The following SIPA1L1 variants were observed in gnomAD, a reference collection of about 807,000 sequenced individuals.
The protein encoded by SIPA1L1 is signal-induced proliferation-associated 1-like protein 1.
Under a neutral mutation model 162.7 loss-of-function variants are expected in SIPA1L1, and 26 were observed. The ratio of observed to expected loss-of-function variants is 0.16; its 90% CI spans 0.12 to 0.22. The LOEUF is 0.22. Ranked by LOEUF, SIPA1L1 falls within the 10% of genes least tolerant of loss-of-function variation. The probability of loss-of-function intolerance (pLI) is 1.00; values close to 1 mark genes in which losing one functional copy is unlikely to be tolerated. For missense variants in SIPA1L1, 1,874 were observed against 2,241.0 expected (o/e 0.84, Z 3.31); for synonymous variants, 829 against 837.4 (o/e 0.99, Z 0.17).
At chr14:71,719,229 G>A (rs1251307698) in intron 17 of SIPA1L1, among the ~76,000 whole-genome samples, 1 of 152,068 alleles carries the variant, frequency 6.6e-6, no homozygotes, top group Non-Finnish European at 1.5e-5. Context: ...GTGAGCCACT[G>A]CACCCAGCCA....
chr14:71,489,611 T>A (rs2049065294), intron 2 of SIPA1L1, among the ~76,000 whole-genome samples: 1 of 151,796 alleles, frequency 6.6e-6, no homozygotes, highest in South Asian at 2.1e-4. Flanking sequence ...GGATGTCCAA[T>A]CTTTTGGCTT....
intron 7 of SIPA1L1, among the ~76,000 whole-genome samples, chr14:71,647,694 C>A (rs1218023198): frequency 6.6e-6 from 1 of 152,130 alleles, no homozygotes; most frequent in African/African-American, 2.4e-5. Context: ...GTATTAAGGA[C>A]TTCTTTTGTA....
chr14:71,605,298 G>T (rs2037357112), intron 5 of SIPA1L1, among the ~76,000 whole-genome samples: 1 of 151,778 alleles, frequency 6.6e-6, no homozygotes, highest in Non-Finnish European at 1.5e-5. Context: ...TATTTGTGTT[G>T]TTTTTCAGTA....
intron 2 of SIPA1L1, chr14:71,330,621 T>A (rs912310629): frequency 5.3e-6 from 5 of 950,570 alleles, no homozygotes; most frequent in Non-Finnish European, 8.7e-6. Flanking sequence ...GTGTGATGGT[T>A]TGGGGCGGAA....
chr14:71,734,126 A>T (rs930538946), intron 21 of SIPA1L1, among the ~76,000 whole-genome samples: 1 of 152,240 alleles, frequency 6.6e-6, no homozygotes, highest in Admixed American at 6.5e-5. Context: ...TCCAGAGAGG[A>T]TCTTTCATCA....
chr14:71,675,830 G>A (rs972130072), intron 12 of SIPA1L1, among the ~76,000 whole-genome samples: 4 of 152,178 alleles, frequency 2.6e-5, no homozygotes, highest in Non-Finnish European at 5.9e-5. Context: ...GCAAGGGGGT[G>A]CGGGAGGTGA....
At chr14:71,625,120 G>A (rs375298907) in intron 7 of SIPA1L1, among the ~76,000 whole-genome samples, 14 of 151,764 alleles carry the variant, frequency 9.2e-5, no homozygotes, top group African/African-American at 3.1e-4. Flanking sequence ...TTCACAGAAG[G>A]GTCCAGCTAT....
chr14:71,726,619 T>C (rs1325630786), intron 19 of SIPA1L1, among the ~76,000 whole-genome samples: 1 of 152,146 alleles, frequency 6.6e-6, no homozygotes, highest in Non-Finnish European at 1.5e-5. Context: ...GAAACAGGAG[T>C]GTGCTTTCTT....
rs1277576194 is a variant in SIPA1L1 at position 71,671,353 on chromosome 14, C to T, written c.2490C>T (p.Gly830=). ...CCAACACCCCTATCGACCCTTCTGG[C>T]AAGTTTCCGTTCATCTCTCTGGCTT... is the stretch of plus-strand genomic sequence containing the variant. ...NVTNTPIDPS[G]KFPFISLASK... is the part of the protein sequence containing the mutation. Residue 830 remains glycine (G), a synonymous_variant, in exon 11 of 24, where the codon GGC becomes GGT. Transcript: ENST00000381232. 1.2e-6 allele frequency: 2 copies of T among 1,614,212 alleles called. No homozygotes were observed. The highest frequency in any genetic ancestry group is 4.5e-5 in the East Asian group (2 of 44,884).
At chr14:71,342,088 C>G (rs1031551054) in intron 2 of SIPA1L1, among the ~76,000 whole-genome samples, 4 of 152,062 alleles carry the variant, frequency 2.6e-5, no homozygotes, top group African/African-American at 9.7e-5. Context: ...ACTGCAACCT[C>G]TGCCTCCTGG....
intron 2 of SIPA1L1, among the ~76,000 whole-genome samples, chr14:71,412,988 C>T (rs1049440012): frequency 6.6e-6 from 1 of 152,130 alleles, no homozygotes; most frequent in African/African-American, 2.4e-5. Context: ...TGTGGAATTT[C>T]CAAATATGCA....
intron 4 of SIPA1L1, among the ~76,000 whole-genome samples, chr14:71,543,964 T>C (rs1353026403): frequency 1.4e-5 from 2 of 146,038 alleles, no homozygotes; most frequent in South Asian, 4.2e-4. Context: ...CACATGTATG[T>C]ATATATACAC....
chr14:71,600,451 T>C (rs2036599737), intron 5 of SIPA1L1, among the ~76,000 whole-genome samples: 1 of 152,202 alleles, frequency 6.6e-6, no homozygotes, highest in South Asian at 2.1e-4. Context: ...TCCATTGGTC[T>C]TTGTGTCTGT....
At chr14:71,649,666 A>G (rs1014967404) in intron 7 of SIPA1L1, among the ~76,000 whole-genome samples, 2 of 152,204 alleles carry the variant, frequency 1.3e-5, no homozygotes, top group African/African-American at 2.4e-5. Flanking sequence ...AATATTTGCC[A>G]TTAGCTGATT....
At chr14:71,687,497 T>C (rs2080956469) in intron 13 of SIPA1L1, among the ~76,000 whole-genome samples, 4 of 152,218 alleles carry the variant, frequency 2.6e-5, no homozygotes, top group South Asian at 2.1e-4. Context: ...ACAAGTGAAA[T>C]TGGCTTTGTG....
chr14:71,711,078 A>T (rs2082844860), intron 17 of SIPA1L1, among the ~76,000 whole-genome samples: 1 of 152,134 alleles, frequency 6.6e-6, no homozygotes, highest in African/African-American at 2.4e-5. Flanking sequence ...GCCTTTCACT[A>T]GTTTTGTTTC....
At chr14:71,688,630 G>A (rs2081039931) in intron 13 of SIPA1L1, among the ~76,000 whole-genome samples, 1 of 152,156 alleles carries the variant, frequency 6.6e-6, no homozygotes, top group African/African-American at 2.4e-5. Flanking sequence ...ATACAGAAGT[G>A]AGGAGTACCG....
chr14:71,632,720 C>T (rs2040706587), intron 7 of SIPA1L1, among the ~76,000 whole-genome samples: 1 of 152,138 alleles, frequency 6.6e-6, no homozygotes, highest in African/African-American at 2.4e-5. Context: ...TGATACCAAC[C>T]AGGGCAGTAT....
At chr14:71,398,837 T>A (rs529453304) in intron 2 of SIPA1L1, among the ~76,000 whole-genome samples, 11 of 152,356 alleles carry the variant, frequency 7.2e-5, no homozygotes, top group African/African-American at 2.6e-4. Context: ...TCTCTGTGAA[T>A]TAGGTTGTGA....
Sources: gnomAD v4.1 joint callset for allele counts (sites outside exome capture counted in the v4.1 genomes callset) on GRCh38, gnomAD v4.1.1 for gene constraint, MANE v1.5 for transcripts, NCBI Gene and HGNC (gene_info 2026-07-23, HGNC 2026-07-21) for gene names.